The following COL14A1 variants were observed in gnomAD, a reference collection of about 807,000 sequenced individuals.
COL14A1 encodes the protein collagen alpha-1(XIV) chain.
In COL14A1, 136 loss-of-function variants were observed where a neutral mutation model predicts 230.3. That is an observed-to-expected ratio of 0.59 (90% CI 0.51 to 0.68). The LOEUF is 0.68. Among genes scored for constraint, COL14A1 ranks in the 30% least tolerant of loss-of-function variants. COL14A1 has a pLI of 0.00. For synonymous variants in COL14A1, 792 were observed against 784.1 expected (o/e 1.01, Z -0.17); for missense variants, 1,976 against 2,215.8 (o/e 0.89, Z 2.17).
chr8:120,188,084 C>CTTTTTT (rs202106370), intron 5 of COL14A1, among the ~76,000 whole-genome samples: 1 of 141,556 alleles, frequency 7.1e-6, no homozygotes. Context: ...GAAGGCTTAA[C>CTTTTTT]TTTTTTTTTT....
intron 36 of COL14A1, among the ~76,000 whole-genome samples, chr8:120,305,119 C>T (rs6469906): frequency 0.54 from 81,597 of 151,338 alleles, 23,752 homozygotes; most frequent in African/African-American, 0.78. Flanking sequence ...GCTGGGATTA[C>T]AGGCATGTGC....
intron 6 of COL14A1, 113 bp downstream of exon 6, chr8:120,197,059 C>T (rs1257343263): frequency 7.2e-6 from 7 of 965,624 alleles, no homozygotes; most frequent in African/African-American, 4.9e-5. Context: ...TTGCAGGATA[C>T]TCATGGTCCC....
intron 5 of COL14A1, among the ~76,000 whole-genome samples, chr8:120,170,643 T>C (rs1816067636): frequency 1.3e-5 from 2 of 152,090 alleles, no homozygotes; most frequent in African/African-American, 4.8e-5. Flanking sequence ...CCATTTCTAT[T>C]TGTAACTCTG....
intron 23 of COL14A1, among the ~76,000 whole-genome samples, chr8:120,256,844 T>A (rs11990441): frequency 0.11 from 16,737 of 152,202 alleles, 1,456 homozygotes; most frequent in East Asian, 0.41. Flanking sequence ...TATCCCACAG[T>A]TCTTTTATAT....
chr8:120,178,401 T>C (rs1490390938), intron 5 of COL14A1, among the ~76,000 whole-genome samples: 1 of 152,234 alleles, frequency 6.6e-6, no homozygotes, highest in Non-Finnish European at 1.5e-5. Context: ...GCAAAGGACA[T>C]GAACTCATTC....
intron 5 of COL14A1, among the ~76,000 whole-genome samples, chr8:120,179,710 A>G (rs780967771): frequency 6.6e-5 from 10 of 152,208 alleles, no homozygotes; most frequent in South Asian, 2.1e-4. Flanking sequence ...TTTACATTTC[A>G]TATGGAACCA....
intron 45 of COL14A1, among the ~76,000 whole-genome samples, chr8:120,362,851 T>C (rs1027975347): frequency 7.2e-5 from 11 of 152,174 alleles, no homozygotes; most frequent in African/African-American, 2.4e-4. Context: ...AAATATTATT[T>C]TGGTTACTCT....
At chr8:120,201,681 C>CT (rs1817253013) in intron 8 of COL14A1, among the ~76,000 whole-genome samples, 1 of 151,964 alleles carries the variant, frequency 6.6e-6, no homozygotes, top group Non-Finnish European at 1.5e-5. Flanking sequence ...GAAAAAAAAA[C>CT]TTTAGACCCT....
intron 5 of COL14A1, among the ~76,000 whole-genome samples, chr8:120,179,901 C>T (rs968994023): frequency 4.6e-5 from 7 of 152,078 alleles, no homozygotes; most frequent in Non-Finnish European, 8.8e-5. Flanking sequence ...AGCCACACAT[C>T]GACAACCATC....
At chr8:120,126,458 C>T (rs899834970) in intron 1 of COL14A1, among the ~76,000 whole-genome samples, 6 of 152,140 alleles carry the variant, frequency 3.9e-5, no homozygotes, top group Non-Finnish European at 4.4e-5. Flanking sequence ...CCCATTACTT[C>T]TGCAAGTTTT....
chr8:120,311,626 A>T (rs1239597910), intron 37 of COL14A1, among the ~76,000 whole-genome samples: 1 of 152,196 alleles, frequency 6.6e-6, no homozygotes, highest in African/African-American at 2.4e-5. Flanking sequence ...TGCATACGGA[A>T]GGCCCCAGTA....
chr8:120,251,352 G>A (rs1176255311), intron 22 of COL14A1, among the ~76,000 whole-genome samples: 1 of 152,116 alleles, frequency 6.6e-6, no homozygotes, highest in Non-Finnish European at 1.5e-5. Context: ...CCTGTAGCCC[G>A]AGATGGCCAA....
intron 5 of COL14A1, among the ~76,000 whole-genome samples, chr8:120,177,421 G>A (rs1463287434): frequency 6.6e-6 from 1 of 151,992 alleles, no homozygotes. Context: ...GGCTGAGGAG[G>A]GTGGATCACT....
intron 19 of COL14A1, among the ~76,000 whole-genome samples, chr8:120,232,835 C>T (rs183475157): frequency 1.4e-3 from 207 of 152,286 alleles, no homozygotes; most frequent in Middle Eastern, 3.4e-3. Context: ...TTTGAGGAAT[C>T]GCTACACTGC....
At chr8:120,296,776 C>T (rs1820542658) in intron 34 of COL14A1, among the ~76,000 whole-genome samples, 1 of 151,840 alleles carries the variant, frequency 6.6e-6, no homozygotes, top group Non-Finnish European at 1.5e-5. Context: ...GTGGAGCAAG[C>T]CTGTCTAAAT....
At chr8:120,127,544 C>A (rs1443535886) in intron 1 of COL14A1, among the ~76,000 whole-genome samples, 1 of 152,182 alleles carries the variant, frequency 6.6e-6, no homozygotes. Context: ...GCCCTCCACG[C>A]ATGTCTTGAT....
chr8:120,192,335 G>A (rs937002523), intron 5 of COL14A1, among the ~76,000 whole-genome samples: 2 of 152,062 alleles, frequency 1.3e-5, no homozygotes, highest in African/African-American at 4.8e-5. Context: ...GAAATTCTGG[G>A]TTGAAAATTC....
At chr8:120,303,358 T>C (rs1268612601) in intron 36 of COL14A1, among the ~76,000 whole-genome samples, 1 of 152,186 alleles carries the variant, frequency 6.6e-6, no homozygotes, top group Non-Finnish European at 1.5e-5. Flanking sequence ...CCATTCAGTA[T>C]GATGTTGGCT....
chr8:120,294,931 G>C (rs1422728689), intron 34 of COL14A1, among the ~76,000 whole-genome samples: 1 of 151,818 alleles, frequency 6.6e-6, no homozygotes, highest in Non-Finnish European at 1.5e-5. Flanking sequence ...GAGCTCCTAA[G>C]AGTCCCAATA....
Sources: gnomAD v4.1 joint callset for allele counts (sites outside exome capture counted in the v4.1 genomes callset) on GRCh38, gnomAD v4.1.1 for gene constraint, MANE v1.5 for transcripts, NCBI Gene and HGNC (gene_info 2026-07-23, HGNC 2026-07-21) for gene names.